Variants in TMEM72 observed in about 807,000 individuals in gnomAD.
The protein encoded by TMEM72 is kidney-specific secretory protein of 37 kDa.
In TMEM72, 9 loss-of-function variants were observed where a neutral mutation model predicts 16.3. That is an observed-to-expected ratio of 0.55 (90% CI 0.33 to 0.96). The LOEUF (loss-of-function observed/expected upper bound fraction) is 0.96. Among genes scored for constraint, TMEM72 ranks in the 40% least tolerant of loss-of-function variants. The pLI is 0.03. For synonymous variants in TMEM72, 160 were observed against 146.5 expected (o/e 1.09, Z -0.66); for missense variants, 324 against 337.8 (o/e 0.96, Z 0.32).
chr10:44,925,040 T>G (rs1840163659), intron 1 of TMEM72, among the ~76,000 whole-genome samples: 1 of 152,206 alleles, frequency 6.6e-6, no homozygotes, highest in African/African-American at 2.4e-5. Flanking sequence ...CCAAGCAATT[T>G]TCTCCAATCC....
chr10:44,929,760 A>T (rs1840264305), intron 2 of TMEM72, among the ~76,000 whole-genome samples: 1 of 151,996 alleles, frequency 6.6e-6, no homozygotes, highest in Non-Finnish European at 1.5e-5. Context: ...TCTTTTTCAA[A>T]CTCACCAGCA....
intron 2 of TMEM72, among the ~76,000 whole-genome samples, chr10:44,931,361 C>T (rs1840293502): frequency 6.6e-6 from 1 of 152,208 alleles, no homozygotes. Context: ...CCATGGACCA[C>T]ACTGGGAGCA....
chr10:44,914,460 C>T (rs753382539), intron 1 of TMEM72, among the ~76,000 whole-genome samples: 5 of 152,328 alleles, frequency 3.3e-5, no homozygotes, highest in African/African-American at 9.6e-5. Flanking sequence ...TGCATGCATG[C>T]GCCCGTGTGA....
intron 1 of TMEM72, among the ~76,000 whole-genome samples, chr10:44,915,186 G>C (rs1190447618): frequency 1.3e-5 from 2 of 152,182 alleles, no homozygotes; most frequent in East Asian, 1.9e-4. Context: ...GAGCAAAGAG[G>C]CTCCAGCTTG....
At chr10:44,924,239 C>T (rs1256407872) in intron 1 of TMEM72, among the ~76,000 whole-genome samples, 1 of 152,196 alleles carries the variant, frequency 6.6e-6, no homozygotes, top group Non-Finnish European at 1.5e-5. Context: ...CAGTGCCTGG[C>T]CCCTCCATCT....
intron 1 of TMEM72, among the ~76,000 whole-genome samples, chr10:44,912,603 C>T (rs962871922): frequency 6.6e-6 from 1 of 152,182 alleles, no homozygotes; most frequent in Non-Finnish European, 1.5e-5. Context: ...AGCCCCTGAC[C>T]CCTCTGAGGC....
chr10:44,913,175 C>A (rs568119016), intron 1 of TMEM72, among the ~76,000 whole-genome samples: 1 of 152,240 alleles, frequency 6.6e-6, no homozygotes, highest in South Asian at 2.1e-4. Context: ...AAAAAGCCAT[C>A]CTGGGGAGAG....
intron 1 of TMEM72, chr10:44,923,346 CCTTTCTCT>C (rs886470086): frequency 4.7e-5 from 7 of 150,308 alleles, no homozygotes; most frequent in African/African-American, 1.7e-4. Flanking sequence ...TCTTTCTCTT[CCTTTCTCT>C]CTTTCTCTCT....
At chr10:44,924,739 T>C (rs899957004) in intron 1 of TMEM72, among the ~76,000 whole-genome samples, 2 of 152,212 alleles carry the variant, frequency 1.3e-5, no homozygotes, top group African/African-American at 4.8e-5. Flanking sequence ...CTTTACAGCC[T>C]CCCATGAGCG....
chr10:44,919,046 A>G (rs1420018813), intron 1 of TMEM72, among the ~76,000 whole-genome samples: 2 of 152,234 alleles, frequency 1.3e-5, no homozygotes, highest in South Asian at 2.1e-4. Flanking sequence ...TTTAAAAACT[A>G]AAAAAGAAAA....
At chr10:44,912,304 G>A (rs1015789000) in intron 1 of TMEM72, among the ~76,000 whole-genome samples, 1 of 152,210 alleles carries the variant, frequency 6.6e-6, no homozygotes, top group Non-Finnish European at 1.5e-5. Flanking sequence ...ACCATCCTGA[G>A]CCCTGCCTGC....
intron 3 of TMEM72, among the ~76,000 whole-genome samples, chr10:44,932,794 T>G (rs1158613829): frequency 6.6e-6 from 1 of 152,176 alleles, no homozygotes; most frequent in Non-Finnish European, 1.5e-5. Flanking sequence ...AAACTTCAGC[T>G]GGGGAGAAGG....
intron 1 of TMEM72, among the ~76,000 whole-genome samples, chr10:44,926,442 G>A (rs1384831831): frequency 6.6e-6 from 1 of 152,212 alleles, no homozygotes; most frequent in Non-Finnish European, 1.5e-5. Flanking sequence ...AGGCCTGCTG[G>A]AAGGGCCGGG....
intron 2 of TMEM72, among the ~76,000 whole-genome samples, chr10:44,931,285 T>C (rs561547701): frequency 1.4e-4 from 21 of 152,352 alleles, no homozygotes; most frequent in Non-Finnish European, 2.1e-4. Context: ...GATTCTGATG[T>C]GAGTCTAGGG....
chr10:44,922,370 C>T (rs1306459727), intron 1 of TMEM72, among the ~76,000 whole-genome samples: 1 of 152,238 alleles, frequency 6.6e-6, no homozygotes, highest in African/African-American at 2.4e-5. Flanking sequence ...ATGTTCACCT[C>T]CTGCCAATTC....
chr10:44,934,934 C>A lies in TMEM72; in HGVS notation c.628C>A (p.Leu210Met). The stretch of plus-strand genomic sequence containing the variant: ...CCCCAACACCCTGATGGAGCTGAGC[C>A]TGGAGCCAGCCGACTCCCTGGCCAA... ...QPPNTLMELSLEPADSLAKKK... is the reference protein window; with the variant it reads ...QPPNTLMELSMEPADSLAKKK... Residue 210 changes from leucine to methionine, a missense_variant, in exon 5 of 5, where the codon CTG becomes ATG. Transcript: ENST00000389583. 1 of 1,613,890 alleles carries A rather than the reference C, an allele frequency of 6.2e-7. No individual in the cohort carries two copies. Among genetic ancestry groups the A allele is most frequent in the Non-Finnish European group, 8.5e-7 (1 of 1,179,980 alleles).
In TMEM72 at chr10:44,934,698, G is replaced by C; in HGVS notation, c.392G>C (p.Ser131Thr). ...IITGLAYFLLSKRKKRKAAPE... is the reference protein window; with the variant it reads ...IITGLAYFLLTKRKKRKAAPE... ...ACCGGCCTGGCCTACTTCCTTCTGA[G>C]CAAGCGGAAGAAGAGGAAAGCTGCC... The change falls in exon 5 of 5, where the codon AGC becomes ACC. Residue 131 changes from serine (S) to threonine (T), a missense_variant. Physicochemically the swap from Ser to Thr is moderately conservative, Grantham distance 58 (BLOSUM62 1). Transcript: ENST00000389583. The C allele has an allele frequency of 6.2e-7, 1 of 1,606,918 alleles. No individual in the cohort carries two copies. Among genetic ancestry groups the C allele is most frequent in the Non-Finnish European group, 8.5e-7 (1 of 1,177,328 alleles).
rs777128580 is a variant in TMEM72, at chr10:44,935,026, T to C, written c.720T>C (p.Asp240=). The C allele has an allele frequency of 1.2e-6, 2 of 1,613,976 alleles. No individual in the cohort carries two copies. Among genetic ancestry groups the C allele is most frequent in the Admixed American group, 3.3e-5 (2 of 60,032 alleles). The change falls in exon 5 of 5, where the codon GAT becomes GAC. Residue 240 remains aspartate, a synonymous_variant. Coordinates refer to ENST00000389583, the MANE Select transcript of TMEM72 (RefSeq NM_001123376.3). Reference sequence around the variant, plus strand: ...TCCCCTCCCTCGCCGAAGGTCTGGATGATGGGGACAGTGAGCCAGAGGAGA... The same window carrying C: ...TCCCCTCCCTCGCCGAAGGTCTGGACGATGGGGACAGTGAGCCAGAGGAGA... ...RIVPSLAEGL[D]DGDSEPEETT...
Position 44,935,185 on chromosome 10 carries a change from T to C in TMEM72, c.*51T>C, listed in dbSNP as rs1375044868. ...TCAGTGAGGGGTCTACCTAGCTCAATGGCCCTCCCTGGAGTTTCAGGGTCT... is the reference window on the plus strand; with the variant it reads ...TCAGTGAGGGGTCTACCTAGCTCAACGGCCCTCCCTGGAGTTTCAGGGTCT... On this transcript the variant is annotated 3_prime_UTR_variant, in exon 5 of 5. Coordinates refer to ENST00000389583, the MANE Select transcript of TMEM72 (RefSeq NM_001123376.3). 4.0e-6 allele frequency: 6 copies of C among 1,492,794 alleles called. No individual in the cohort carries two copies. The highest frequency in any genetic ancestry group is 5.4e-6 in the Non-Finnish European group (6 of 1,114,016). 92.5% of individuals were successfully genotyped at this position (1,492,794 alleles called of 1,614,324 possible).
Sources: gnomAD v4.1 joint callset for allele counts (sites outside exome capture counted in the v4.1 genomes callset) on GRCh38, gnomAD v4.1.1 for gene constraint, MANE v1.5 for transcripts, NCBI Gene and HGNC (gene_info 2026-07-23, HGNC 2026-07-21) for gene names.